CACNA2D3: variants seen among roughly 807,000 people sequenced by gnomAD.
CACNA2D3 encodes voltage-dependent calcium channel subunit alpha-2/delta-3.
A neutral mutation model predicts 160.6 loss-of-function variants in CACNA2D3; 60 were observed. The observed-to-expected ratio is 0.37, with a 90% CI of 0.30 to 0.46. The LOEUF (loss-of-function observed/expected upper bound fraction) is 0.46, where lower values mean the gene tolerates loss of function less well. CACNA2D3 is among the 20% of genes least tolerant of loss of function. The pLI is 1.00. For synonymous variants in CACNA2D3, 558 were observed against 492.9 expected (o/e 1.13, Z -1.75); for missense variants, 1,205 against 1,365.0 (o/e 0.88, Z 1.85).
chr3:54,381,926 T>C (rs1247794054), intron 3 of CACNA2D3, among the ~76,000 whole-genome samples: 1 of 152,188 alleles, frequency 6.6e-6, no homozygotes, highest in African/African-American at 2.4e-5. Context: ...TTTTAGCTTA[T>C]AGGTGCTTTT....
chr3:55,007,984 A>G, intron 33 of CACNA2D3, 142 bp downstream of exon 33: 1 of 586,974 alleles, frequency 1.7e-6, no homozygotes, highest in Non-Finnish European at 2.8e-6. Flanking sequence ...GAACATCTCA[A>G]AATATTGAAC....
At chr3:55,061,949 CT>C (rs1302307764) in intron 35 of CACNA2D3, among the ~76,000 whole-genome samples, 1 of 152,178 alleles carries the variant, frequency 6.6e-6, no homozygotes, top group Non-Finnish European at 1.5e-5. Flanking sequence ...CAAAGAGAAA[CT>C]TCTATAGAAG....
intron 11 of CACNA2D3, among the ~76,000 whole-genome samples, chr3:54,696,554 G>A (rs1390299623): frequency 6.6e-6 from 1 of 152,126 alleles, no homozygotes; most frequent in Non-Finnish European, 1.5e-5. Flanking sequence ...GGGGTGTGTG[G>A]TCAGGGAATG....
At chr3:54,527,057 T>C (rs1286966105) in intron 5 of CACNA2D3, among the ~76,000 whole-genome samples, 1 of 152,212 alleles carries the variant, frequency 6.6e-6, no homozygotes, top group East Asian at 1.9e-4. Flanking sequence ...CATGAATTGC[T>C]CCACAGTCTG....
At chr3:54,129,523 A>G (rs547851883) in intron 2 of CACNA2D3, among the ~76,000 whole-genome samples, 37 of 152,316 alleles carry the variant, frequency 2.4e-4, no homozygotes, top group African/African-American at 8.9e-4. Flanking sequence ...AAACCAAACT[A>G]TTGGCGCACA....
At chr3:54,296,472 T>C (rs1703345221) in intron 2 of CACNA2D3, among the ~76,000 whole-genome samples, 1 of 152,122 alleles carries the variant, frequency 6.6e-6, no homozygotes, top group African/African-American at 2.4e-5. Context: ...CCACAAGGAG[T>C]TCTGCATTTC....
intron 35 of CACNA2D3, among the ~76,000 whole-genome samples, chr3:55,063,909 T>C (rs1704573831): frequency 6.6e-6 from 1 of 152,232 alleles, no homozygotes; most frequent in East Asian, 1.9e-4. Context: ...AATAAAATTG[T>C]GGGCTGCTTG....
intron 2 of CACNA2D3, among the ~76,000 whole-genome samples, chr3:54,251,933 C>T (rs1702195929): frequency 6.6e-6 from 1 of 152,102 alleles, no homozygotes; most frequent in African/African-American, 2.4e-5. Flanking sequence ...TTTTACTGTT[C>T]CAGCTTGCCT....
At chr3:55,039,694 A>G (rs1703917193) in intron 35 of CACNA2D3, among the ~76,000 whole-genome samples, 1 of 152,220 alleles carries the variant, frequency 6.6e-6, no homozygotes, top group African/African-American at 2.4e-5. Flanking sequence ...CAAATCTGGA[A>G]TCAGCCATTT....
intron 2 of CACNA2D3, among the ~76,000 whole-genome samples, chr3:54,308,362 G>A (rs1679239169): frequency 6.6e-6 from 1 of 152,150 alleles, no homozygotes; most frequent in Non-Finnish European, 1.5e-5. Context: ...TGGACCATGA[G>A]CAGAACTGAT....
At chr3:54,231,804 TTC>T (rs914024095) in intron 2 of CACNA2D3, among the ~76,000 whole-genome samples, 9 of 152,086 alleles carry the variant, frequency 5.9e-5, no homozygotes, top group African/African-American at 2.2e-4. Flanking sequence ...TCATATTCCA[TTC>T]CGTAGAGGCA....
At chr3:54,528,485 A>G (rs2106638116) in intron 5 of CACNA2D3, among the ~76,000 whole-genome samples, 1 of 152,188 alleles carries the variant, frequency 6.6e-6, no homozygotes, top group South Asian at 2.1e-4. Context: ...GGTTTCCTTT[A>G]GTATCACATA....
At chr3:54,486,833 T>C (rs1701022516) in intron 4 of CACNA2D3, among the ~76,000 whole-genome samples, 1 of 152,044 alleles carries the variant, frequency 6.6e-6, no homozygotes, top group African/African-American at 2.4e-5. Context: ...TAGCCCCTCT[T>C]GTAGTGGAGA....
At chr3:55,037,098 G>A (rs117882193) in intron 35 of CACNA2D3, among the ~76,000 whole-genome samples, 2 of 152,212 alleles carry the variant, frequency 1.3e-5, no homozygotes, top group East Asian at 3.9e-4. Context: ...GTAATTTCCT[G>A]GATTTCATTA....
intron 27 of CACNA2D3, chr3:54,924,471 T>C (rs371422434): frequency 3.1e-6 from 2 of 654,668 alleles, no homozygotes; most frequent in Non-Finnish European, 5.3e-6. Context: ...CTTGACTCTT[T>C]TGCCATACCG....
At chr3:54,635,053 C>T (rs887405189) in intron 10 of CACNA2D3, among the ~76,000 whole-genome samples, 4 of 151,638 alleles carry the variant, frequency 2.6e-5, no homozygotes, top group Non-Finnish European at 4.4e-5. Context: ...CTGCTTCAAG[C>T]GGGATTAGGG....
chr3:54,831,110 G>A (rs1198057655), intron 14 of CACNA2D3, among the ~76,000 whole-genome samples: 3 of 152,210 alleles, frequency 2.0e-5, no homozygotes, highest in Admixed American at 1.3e-4. Flanking sequence ...TATTTGATGA[G>A]AGTTAGTGGA....
chr3:55,004,833 C>T lies in CACNA2D3; in HGVS notation c.2761C>T (p.Leu921=), dbSNP rs750748267. 1.6e-5 allele frequency: 25 copies of T among 1,612,008 alleles called. No individual in the cohort carries two copies. Among genetic ancestry groups the T allele is most frequent in the Admixed American group, 1.5e-4 (9 of 60,000 alleles). ...AAGCAGCGATGGCGCCCATGGCCTCCTGGATGTAAGTACTATGCTGTCACT... is the reference window on the plus strand; with the variant it reads ...AAGCAGCGATGGCGCCCATGGCCTCTTGGATGTAAGTACTATGCTGTCACT... ...KESSDGAHGL[L]DPYNAFLSAV... The change falls in exon 32 of 38, where the codon CTG becomes TTG. Residue 921 remains leucine (L), a synonymous_variant. Coordinates refer to ENST00000474759, the MANE Select transcript of CACNA2D3 (RefSeq NM_018398.3).
intron 36 of CACNA2D3, 56 bp from the exon 37 acceptor site, chr3:55,073,721 T>C: frequency 1.4e-6 from 2 of 1,474,104 alleles, no homozygotes; most frequent in African/African-American, 2.8e-5. Flanking sequence ...TTTTGACCTC[T>C]GAAATGCAGA....
Sources: gnomAD v4.1 joint callset for allele counts (sites outside exome capture counted in the v4.1 genomes callset) on GRCh38, gnomAD v4.1.1 for gene constraint, MANE v1.5 for transcripts, NCBI Gene and HGNC (gene_info 2026-07-23, HGNC 2026-07-21) for gene names.